The following PIEZO2 variants were observed in gnomAD, a reference collection of about 807,000 sequenced individuals.
The protein encoded by PIEZO2 is piezo type mechanosensitive ion channel component 2.
A neutral mutation model predicts 337.3 loss-of-function variants in PIEZO2; 172 were observed. That is an observed-to-expected ratio of 0.51 (90% CI 0.45 to 0.58). The LOEUF is 0.58. PIEZO2 is among the 20% of genes least tolerant of loss of function. PIEZO2 has a pLI of 0.00. For synonymous variants in PIEZO2, 1,251 were observed against 1,228.5 expected (o/e 1.02, Z -0.38); for missense variants, 3,028 against 3,391.3 (o/e 0.89, Z 2.66).
chr18:10,886,501 C>CTAATGTGTGTATATATATATATAT (rs1568165954), intron 4 of PIEZO2, among the ~76,000 whole-genome samples: 1 of 11,826 alleles, frequency 8.5e-5, no homozygotes, highest in Non-Finnish European at 1.6e-4. Flanking sequence ...TATATATACG[C>CTAATGTGTGTATATATATATATAT]ATATACACAT....
In PIEZO2 at chr18:10,828,319, T is replaced by G. The variant is rs2040741567; in HGVS notation, c.918-21045A>C. Among the ~76,000 whole-genome samples, 1 of 152,100 alleles carries G rather than the reference T, an allele frequency of 6.6e-6. No homozygotes were observed. Among genetic ancestry groups the G allele is most frequent in the African/African-American group, 2.4e-5 (1 of 41,404 alleles). On this transcript the variant is annotated intron_variant, in intron 7 of 55. Coordinates refer to ENST00000674853, the MANE Select transcript of PIEZO2 (RefSeq NM_001378183.1). The surrounding 1 kb of genome is among the most constrained non-coding windows in gnomAD (Gnocchi z 4.1). ...CCCAAGTCCAACAATTTAAAGTTAT[T>G]AAAATTGGATGCCCACTAACTAACC...
chr18:10,697,861 G>C lies in PIEZO2; in HGVS notation c.6714C>G (p.Asn2238Lys), dbSNP rs2035163984. The C allele has an allele frequency of 6.2e-7, 1 of 1,613,468 alleles. No individual in the cohort carries two copies. Among genetic ancestry groups the C allele is most frequent in the Non-Finnish European group, 8.5e-7 (1 of 1,179,594 alleles). The part of the protein sequence containing the change: ...RSQRGSTSTR[N>K]SSQKGSSVLS... ...AAACACTGCTTCCTTTTTGACTGCT[G>C]TTTCGGGTGCTTGTGCTGCCTAGAA... The change falls in exon 45 of 56, where the codon AAC (asparagine) becomes AAG (lysine). Residue 2238 changes from asparagine (N) to lysine (K), a missense_variant. This residue lies in a region of PIEZO2 where 1,925 missense variants were observed against 2,051.9 expected (regional missense o/e 0.94). Transcript: ENST00000674853.
rs963593742 is a variant in PIEZO2, at chr18:10,783,165, T to C, written c.2492+1619A>G. Among the ~76,000 whole-genome samples the C allele has an allele frequency of 1.3e-5, 2 of 152,068 alleles. No homozygotes were observed. The highest frequency in any genetic ancestry group is 4.8e-5 in the African/African-American group (2 of 41,380). On this transcript the variant is annotated intron_variant, in intron 17 of 55. Coordinates refer to ENST00000674853, the MANE Select transcript of PIEZO2 (RefSeq NM_001378183.1). The surrounding 1 kb of genome is among the most constrained non-coding windows in gnomAD (Gnocchi z 4.3). The stretch of plus-strand genomic sequence containing the variant: ...AAAAAAGATTTTTTTTTAAAAAAGA[T>C]TTCACTAGCAATGCTTAATAATTAC...
intron 11 of PIEZO2, among the ~76,000 whole-genome samples, chr18:10,799,480 G>C (rs2039726525): frequency 6.6e-6 from 1 of 152,004 alleles, no homozygotes; most frequent in Non-Finnish European, 1.5e-5. Flanking sequence ...TTAAATGATG[G>C]CTATTTGAAT....
intron 36 of PIEZO2, among the ~76,000 whole-genome samples, chr18:10,725,807 G>A (rs893448415): frequency 1.3e-5 from 2 of 152,194 alleles, no homozygotes; most frequent in African/African-American, 2.4e-5. Context: ...ACCACCACGC[G>A]GGCCCTCCAG....
chr18:10,693,321 CG>C (rs2034933037), intron 47 of PIEZO2, among the ~76,000 whole-genome samples: 1 of 150,574 alleles, frequency 6.6e-6, no homozygotes, highest in Non-Finnish European at 1.5e-5. Context: ...TCATATCTGC[CG>C]CATGGTTTTG....
chr18:10,811,393 G>A (rs1274662808), intron 7 of PIEZO2, among the ~76,000 whole-genome samples: 2 of 152,182 alleles, frequency 1.3e-5, no homozygotes, highest in East Asian at 3.8e-4. Flanking sequence ...TGCGTTTATG[G>A]CAGTGCTTAG....
chr18:10,988,063 A>C lies in PIEZO2; in HGVS notation c.161-8403T>G, dbSNP rs1189563222. 6.6e-6 allele frequency among the ~76,000 whole-genome samples: 1 copy of C among 152,114 alleles called. No homozygotes were observed. Among genetic ancestry groups the C allele is most frequent in the Non-Finnish European group, 1.5e-5 (1 of 68,030 alleles). On this transcript the variant is annotated intron_variant, in intron 2 of 55. Coordinates refer to ENST00000674853, the MANE Select transcript of PIEZO2 (RefSeq NM_001378183.1). The surrounding 1 kb of genome is among the most constrained non-coding windows in gnomAD (Gnocchi z 4.8). ...GAAACTTAATTACCCAAGTGATAGT[A>C]TTAAGAGGTGGAACCTTTAGGATGT...
intron 5 of PIEZO2, among the ~76,000 whole-genome samples, chr18:10,866,550 G>C (rs1433208756): frequency 6.6e-6 from 1 of 152,168 alleles, no homozygotes; most frequent in African/African-American, 2.4e-5. Context: ...CTCCCAAAGT[G>C]CTGGGATTTT....
In PIEZO2 at chr18:11,149,543, G is replaced by A. The variant is rs1230695492; in HGVS notation, c.-955C>T. On this transcript the variant is annotated 5_prime_UTR_variant, in exon 1 of 56. Coordinates refer to ENST00000674853, the MANE Select transcript of PIEZO2 (RefSeq NM_001378183.1). This position sits in a 1 kb window ranked among gnomAD's most constrained non-coding sequence, Gnocchi z 8.7. ...CCTCGCGGCGCAGCCGGGGCTCCCCGGCGGCGCGCGCTTCTCCACCTTCAA... is the reference window on the plus strand; with the variant it reads ...CCTCGCGGCGCAGCCGGGGCTCCCCAGCGGCGCGCGCTTCTCCACCTTCAA... Among the ~76,000 whole-genome samples, 1 of 151,940 alleles carries A rather than the reference G, an allele frequency of 6.6e-6. No homozygotes were observed. Among genetic ancestry groups the A allele is most frequent in the Non-Finnish European group, 1.5e-5 (1 of 67,934 alleles).
chr18:10,984,801 T>C (rs1010213603), intron 2 of PIEZO2, among the ~76,000 whole-genome samples: 2 of 152,066 alleles, frequency 1.3e-5, no homozygotes, highest in Non-Finnish European at 2.9e-5. Context: ...TATGATCAAA[T>C]TGTCAAATTC....
At chr18:11,013,189 G>A (rs1598826564) in intron 2 of PIEZO2, among the ~76,000 whole-genome samples, 1 of 152,308 alleles carries the variant, frequency 6.6e-6, no homozygotes, top group South Asian at 2.1e-4. Flanking sequence ...GAGATTGAGA[G>A]ATGATTGTGG....
chr18:10,684,452 A>ACATTCAGCCT, intron 49 of PIEZO2, among the ~76,000 whole-genome samples: 1 of 120,884 alleles, frequency 8.3e-6, no homozygotes, highest in Non-Finnish European at 1.7e-5. Context: ...AGCGTGAACC[A>ACATTCAGCCT]CTGCGCCCGG....
chr18:10,920,210 T>C (rs1422876852), intron 3 of PIEZO2, among the ~76,000 whole-genome samples: 2 of 152,138 alleles, frequency 1.3e-5, no homozygotes, highest in Non-Finnish European at 1.5e-5. Context: ...CCCTGACTTC[T>C]ATTATCTTTC....
chr18:10,803,641 G>T (rs933572447), intron 9 of PIEZO2, among the ~76,000 whole-genome samples: 4 of 152,162 alleles, frequency 2.6e-5, no homozygotes, highest in Non-Finnish European at 4.4e-5. Flanking sequence ...TTTAAGATTA[G>T]GAGATTTCAG....
intron 3 of PIEZO2, among the ~76,000 whole-genome samples, chr18:10,956,011 G>A (rs1598742788): frequency 1.3e-5 from 2 of 152,046 alleles, no homozygotes; most frequent in African/African-American, 4.8e-5. Flanking sequence ...CTTTGGGGAG[G>A]GAGCAGTCCT....
intron 15 of PIEZO2, among the ~76,000 whole-genome samples, 163 bp downstream of exon 15, chr18:10,788,916 A>G (rs561860653): frequency 2.0e-5 from 3 of 152,336 alleles, no homozygotes; most frequent in East Asian, 3.9e-4. Context: ...CAAGTTGAAG[A>G]CAGTCATTTC....
At chr18:10,741,165 C>G in intron 32 of PIEZO2, 63 bp from the exon 33 acceptor site, 1 of 1,416,502 alleles carries the variant, frequency 7.1e-7, no homozygotes, top group Non-Finnish European at 9.4e-7. Flanking sequence ...TTGAAAACCA[C>G]GCTTTAACAA....
chr18:10,905,890 A>AAG (rs1307775762), intron 4 of PIEZO2, among the ~76,000 whole-genome samples: 10 of 152,204 alleles, frequency 6.6e-5, no homozygotes, highest in African/African-American at 2.2e-4. Context: ...CCAGGGTATT[A>AAG]AGAGAGTCTC....
Sources: gnomAD v4.1 joint callset for allele counts (sites outside exome capture counted in the v4.1 genomes callset) on GRCh38, gnomAD v4.1.1 for gene constraint, gnomAD v4.1.1 regional missense constraint, Gnocchi (gnomAD v3.1) non-coding constraint, MANE v1.5 for transcripts, NCBI Gene and HGNC (gene_info 2026-07-23, HGNC 2026-07-21) for gene names.